Variants in NLGN1 observed in about 807,000 individuals in gnomAD.
NLGN1 encodes neuroligin 1, also known as neuroligin-1.
NLGN1 carries 12 observed loss-of-function variants against 65.5 expected under a neutral mutation model. That is an observed-to-expected ratio of 0.18 (90% CI 0.12 to 0.30). NLGN1 has a LOEUF of 0.30. Ranked by LOEUF, NLGN1 falls within the 10% of genes least tolerant of loss-of-function variation. NLGN1 has a pLI of 1.00. For synonymous variants in NLGN1, 350 were observed against 359.5 expected, an observed-to-expected ratio of 0.97 and a Z score of 0.30; for missense variants, 750 against 1,007.1, an observed-to-expected ratio of 0.74 and a Z score of 3.46.
intron 4 of NLGN1, among the ~76,000 whole-genome samples, chr3:174,103,415 T>C (rs1240727629): frequency 6.6e-6 from 1 of 152,142 alleles, no homozygotes; most frequent in Non-Finnish European, 1.5e-5. Flanking sequence ...TTTCCTCACG[T>C]TAAAAATACT....
intron 4 of NLGN1, among the ~76,000 whole-genome samples, chr3:173,890,998 G>A (rs891717912): frequency 2.2e-4 from 34 of 152,174 alleles, no homozygotes. Context: ...ATGGACTGAA[G>A]ACAAGTGGAG....
chr3:173,408,096 C>T (rs941162257), intron 1 of NLGN1, among the ~76,000 whole-genome samples: 12 of 152,058 alleles, frequency 7.9e-5, no homozygotes, highest in Admixed American at 2.6e-4. Context: ...GACAGAGTCT[C>T]GCTCTGTTGC....
chr3:173,748,673 C>T (rs1203668527), intron 3 of NLGN1, among the ~76,000 whole-genome samples: 1 of 152,108 alleles, frequency 6.6e-6, no homozygotes, highest in South Asian at 2.1e-4. Context: ...CTGTAAGTTA[C>T]TGAAAACTGC....
chr3:173,521,023 A>G (rs1300001723), intron 2 of NLGN1, among the ~76,000 whole-genome samples: 1 of 152,200 alleles, frequency 6.6e-6, no homozygotes, highest in Non-Finnish European at 1.5e-5. Context: ...AGGAGTTTGT[A>G]AGGCATTATG....
At chr3:174,023,999 A>G (rs1728309354) in intron 4 of NLGN1, among the ~76,000 whole-genome samples, 2 of 152,128 alleles carry the variant, frequency 1.3e-5, no homozygotes, top group Non-Finnish European at 2.9e-5. Context: ...CACTTGTAAC[A>G]TCACAGGGTG....
At chr3:173,868,237 A>G (rs940010428) in intron 4 of NLGN1, among the ~76,000 whole-genome samples, 12 of 152,160 alleles carry the variant, frequency 7.9e-5, no homozygotes, top group African/African-American at 2.7e-4. Flanking sequence ...GCATGAGAGA[A>G]AGTGAATATG....
intron 2 of NLGN1, among the ~76,000 whole-genome samples, chr3:173,572,817 T>G (rs1462779369): frequency 6.6e-6 from 1 of 152,190 alleles, no homozygotes; most frequent in Non-Finnish European, 1.5e-5. Flanking sequence ...ACCAGAGCCC[T>G]CCTCTTGTCT....
chr3:174,189,499 G>A (rs951209655), intron 4 of NLGN1, among the ~76,000 whole-genome samples: 2 of 151,820 alleles, frequency 1.3e-5, no homozygotes, highest in East Asian at 1.9e-4. Flanking sequence ...TTTCCCTAGC[G>A]CCATAACAGA....
At chr3:173,753,228 T>C (rs1192491782) in intron 3 of NLGN1, among the ~76,000 whole-genome samples, 3 of 152,146 alleles carry the variant, frequency 2.0e-5, no homozygotes, top group African/African-American at 7.2e-5. Context: ...AATTTAGATC[T>C]CTGCTGCAGG....
chr3:174,274,074 A>AAG (rs138414143), intron 4 of NLGN1, among the ~76,000 whole-genome samples: 1 of 151,682 alleles, frequency 6.6e-6, no homozygotes, highest in African/African-American at 2.4e-5. Flanking sequence ...AGTCTCCAAT[A>AAG]AGAGAGAATG....
intron 3 of NLGN1, among the ~76,000 whole-genome samples, chr3:173,770,448 A>T (rs1779410086): frequency 6.6e-6 from 1 of 152,216 alleles, no homozygotes. Flanking sequence ...TAAAAGTTTT[A>T]TAAGTTAAAG....
At chr3:173,946,651 G>A (rs1036953672) in intron 4 of NLGN1, among the ~76,000 whole-genome samples, 4 of 151,952 alleles carry the variant, frequency 2.6e-5, no homozygotes, top group South Asian at 2.1e-4. Flanking sequence ...CTTTTATATC[G>A]ATTGCAAACT....
chr3:173,717,474 G>A (rs1770055895), intron 3 of NLGN1, among the ~76,000 whole-genome samples: 2 of 152,090 alleles, frequency 1.3e-5, no homozygotes, highest in South Asian at 2.1e-4. Flanking sequence ...TCAGCAATGG[G>A]AGTCAAACTG....
At chr3:174,274,285 C>T (rs1299799073) in intron 4 of NLGN1, among the ~76,000 whole-genome samples, 4 of 149,062 alleles carry the variant, frequency 2.7e-5, no homozygotes, top group Non-Finnish European at 5.9e-5. Flanking sequence ...GTTTGTTTTA[C>T]AAGTTATAAT....
At chr3:173,954,391 A>T (rs1711505457) in intron 4 of NLGN1, among the ~76,000 whole-genome samples, 1 of 151,878 alleles carries the variant, frequency 6.6e-6, no homozygotes, top group Admixed American at 6.6e-5. Flanking sequence ...TATTATTATT[A>T]TCATTATCAT....
intron 4 of NLGN1, among the ~76,000 whole-genome samples, chr3:174,264,010 C>T (rs1267784163): frequency 1.3e-5 from 2 of 150,920 alleles, no homozygotes; most frequent in African/African-American, 4.9e-5. Context: ...TGAATATTGG[C>T]CCCCACTCTC....
intron 1 of NLGN1, among the ~76,000 whole-genome samples, chr3:173,418,477 C>CAG (rs1714263428): frequency 6.6e-6 from 1 of 152,116 alleles, no homozygotes; most frequent in South Asian, 2.1e-4. Context: ...ATGTCTCAGG[C>CAG]AGAAGTTCGT....
intron 4 of NLGN1, among the ~76,000 whole-genome samples, chr3:174,132,684 C>T (rs532088249): frequency 6.6e-6 from 1 of 152,094 alleles, no homozygotes; most frequent in African/African-American, 2.4e-5. Context: ...CAGGAGTCAG[C>T]AAAATGATTC....
chr3:174,092,799 T>C (rs1251528093), intron 4 of NLGN1, among the ~76,000 whole-genome samples: 2 of 152,188 alleles, frequency 1.3e-5, no homozygotes, highest in Non-Finnish European at 2.9e-5. Flanking sequence ...AACATTCAAC[T>C]TAATGATTAT....
Sources: gnomAD v4.1 joint callset for allele counts (sites outside exome capture counted in the v4.1 genomes callset) on GRCh38, gnomAD v4.1.1 for gene constraint, MANE v1.5 for transcripts, NCBI Gene and HGNC (gene_info 2026-07-23, HGNC 2026-07-21) for gene names.